The following VPS37A variants were observed in gnomAD, a reference collection of about 807,000 sequenced individuals.
The protein encoded by VPS37A is vacuolar protein sorting-associated protein 37A.
Under a neutral mutation model 49.8 loss-of-function variants are expected in VPS37A, and 30 were observed. The ratio of observed to expected loss-of-function variants is 0.60; its 90% CI spans 0.45 to 0.82. The LOEUF (loss-of-function observed/expected upper bound fraction) is 0.82, where lower values mean the gene tolerates loss of function less well. VPS37A is among the 40% of genes least tolerant of loss of function. The pLI is 0.00. For missense variants in VPS37A, 593 were observed against 464.4 expected, an observed-to-expected ratio of 1.28 and a Z score of -2.55; for synonymous variants, 195 against 160.6, an observed-to-expected ratio of 1.21 and a Z score of -1.62.
At chr8:17,268,804 T>TTA in intron 3 of VPS37A, 52 bp from the exon 4 acceptor site, 1 of 1,233,656 alleles carries the variant, frequency 8.1e-7, no homozygotes, top group Non-Finnish European at 1.2e-6. Flanking sequence ...TAATGAGACT[T>TTA]TATAATCTTT....
chr8:17,301,465 C>G (rs1045121166), downstream of VPS37A, among the ~76,000 whole-genome samples: 2 of 152,042 alleles, frequency 1.3e-5, no homozygotes, highest in African/African-American at 4.8e-5. Flanking sequence ...AAATTGTATA[C>G]AAGCAGCAAA....
chr8:17,257,853 C>T (rs773643078), intron 1 of VPS37A, among the ~76,000 whole-genome samples: 7 of 152,058 alleles, frequency 4.6e-5, no homozygotes, highest in Non-Finnish European at 8.8e-5. Context: ...TTAGATGTTT[C>T]ACTTCTTAGG....
rs1237646230 is a variant in VPS37A, at chr8:17,296,720, C to T, written c.*1734C>T. 3 of 152,154 alleles carry T rather than the reference C, an allele frequency of 2.0e-5. No individual in the cohort carries two copies. The highest frequency in any genetic ancestry group is 4.4e-5 in the Non-Finnish European group (3 of 68,010). 9.4% of individuals were successfully genotyped at this position (152,154 alleles called of 1,614,324 possible). ...CATTGTTTAGATGCTTATCTACTTTCCTTTTCACCAGAAAAACAGAAAAAA... is the reference window on the plus strand; with the variant it reads ...CATTGTTTAGATGCTTATCTACTTTTCTTTTCACCAGAAAAACAGAAAAAA... On this transcript the variant is annotated 3_prime_UTR_variant, in exon 12 of 12. Transcript: ENST00000324849.
rs756657465 is a variant in VPS37A, at chr8:17,295,470, A to G, written c.*484A>G. 1.3e-5 allele frequency: 2 copies of G among 152,606 alleles called. No individual in the cohort carries two copies. Among genetic ancestry groups the G allele is most frequent in the Non-Finnish European group, 2.9e-5 (2 of 68,002 alleles). The allele number at this position is 152,606 out of a possible 1,614,324, so 9.5% of individuals were successfully genotyped here. On this transcript the variant is annotated 3_prime_UTR_variant, in exon 12 of 12. Transcript: ENST00000324849. ...AAAACTTTCAAAAGCAATTTAAGAT[A>G]TTCATAGTGTTAGGAAACACCAAAC...
At position 17,296,317 on chromosome 8, in the gene VPS37A, T is replaced by G. The variant is rs1367241288; in HGVS notation, c.*1331T>G. ...ATACAGAAAATAACTTTCATTGTCTTCCTGACACTGTGCTAAGGACATGCT... is the reference window on the plus strand; with the variant it reads ...ATACAGAAAATAACTTTCATTGTCTGCCTGACACTGTGCTAAGGACATGCT... On this transcript the variant is annotated 3_prime_UTR_variant, in exon 12 of 12. Transcript: ENST00000324849. The G allele has an allele frequency of 6.6e-6, 1 of 152,178 alleles. No individual in the cohort carries two copies. The highest frequency in any genetic ancestry group is 1.9e-4 in the East Asian group (1 of 5,202). 9.4% of individuals were successfully genotyped at this position (152,178 alleles called of 1,614,324 possible).
intron 1 of VPS37A, among the ~76,000 whole-genome samples, chr8:17,256,290 A>ATTTTTTTTTTTTTTTTTTTTTTT (rs529736602): frequency 6.6e-5 from 4 of 60,400 alleles, no homozygotes; most frequent in African/African-American, 2.9e-4. Flanking sequence ...GGGTAAAATG[A>ATTTTTTTTTTTTTTTTTTTTTTT]TTTTTTTTTT....
At chr8:17,272,065 T>A (rs946441094) in intron 4 of VPS37A, 3 of 456,646 alleles carry the variant, frequency 6.6e-6, no homozygotes, top group Non-Finnish European at 1.3e-5. Context: ...ATTCACTAGG[T>A]ACATTTTCTG....
chr8:17,300,031 A>G, downstream of VPS37A: 2 of 1,614,184 alleles, frequency 1.2e-6, no homozygotes, highest in South Asian at 1.1e-5. Flanking sequence ...GTCTTGGGTT[A>G]GAATCAGAGC....
chr8:17,280,407 C>T lies in VPS37A; in HGVS notation c.933C>T (p.Phe311=), dbSNP rs375086724. The T allele has an allele frequency of 8.1e-6, 13 of 1,609,122 alleles. No homozygotes were observed. The highest frequency in any genetic ancestry group is 4.0e-5 in the African/African-American group (3 of 74,474). ...YELLTQMKST[F]EKKMQRQHEL... is the part of the protein sequence containing the mutation. The stretch of plus-strand genomic sequence containing the variant: ...TACTTACACAGATGAAGTCCACTTT[C>T]GAAAAGAAGATGCAAAGGCAGCATG... The change falls in exon 9 of 12, where the codon TTC becomes TTT. Residue 311 remains phenylalanine, a synonymous_variant. Coordinates refer to ENST00000324849, the MANE Select transcript of VPS37A (RefSeq NM_152415.3).
chr8:17,300,856 G>A (rs1320654764), downstream of VPS37A, among the ~76,000 whole-genome samples: 1 of 152,158 alleles, frequency 6.6e-6, no homozygotes, highest in South Asian at 2.1e-4. Flanking sequence ...TATATAAATT[G>A]AATGGAATCA....
At chr8:17,311,674 G>A in the VPS37A span, 1 of 1,613,028 alleles carries the variant, frequency 6.2e-7, no homozygotes, top group Non-Finnish European at 8.5e-7. Context: ...CACAAAGAAT[G>A]GCTGTAAAAA....
At chr8:17,282,745 G>GACAC (rs149421072) in intron 9 of VPS37A, among the ~76,000 whole-genome samples, 19 of 149,994 alleles carry the variant, frequency 1.3e-4, no homozygotes, top group Admixed American at 9.3e-4. Flanking sequence ...TTAAAAAAAA[G>GACAC]ACACACACAC....
At chr8:17,279,526 A>T (rs1814835552) in intron 6 of VPS37A, among the ~76,000 whole-genome samples, 1 of 152,130 alleles carries the variant, frequency 6.6e-6, no homozygotes, top group Admixed American at 6.5e-5. Flanking sequence ...ACATATCAGT[A>T]AGTCTGGTTC....
chr8:17,263,240 T>C (rs889201205), intron 1 of VPS37A, among the ~76,000 whole-genome samples: 1 of 152,114 alleles, frequency 6.6e-6, no homozygotes, highest in African/African-American at 2.4e-5. Context: ...TTTACAGTGG[T>C]TTTTTGGCAA....
intron 1 of VPS37A, among the ~76,000 whole-genome samples, chr8:17,258,555 A>G (rs1160110834): frequency 6.6e-6 from 1 of 152,072 alleles, no homozygotes; most frequent in Non-Finnish European, 1.5e-5. Context: ...TATTTTGTTC[A>G]GGAGTTTTGT....
At chr8:17,257,547 G>C (rs1243974326) in intron 1 of VPS37A, among the ~76,000 whole-genome samples, 1 of 152,116 alleles carries the variant, frequency 6.6e-6, no homozygotes, top group Non-Finnish European at 1.5e-5. Context: ...GTGACGGGTT[G>C]ATGGGTGCAG....
the VPS37A span, among the ~76,000 whole-genome samples, chr8:17,310,999 C>T: frequency 1.3e-5 from 2 of 152,114 alleles, no homozygotes; most frequent in African/African-American, 4.8e-5. Flanking sequence ...GTCATTTCAG[C>T]AAAGAACAAC....
chr8:17,274,796 A>G lies in VPS37A; in HGVS notation c.480A>G (p.Pro160=), dbSNP rs1371235340. Residue 160 remains proline (P), a synonymous_variant, in exon 5 of 12, where the codon CCA becomes CCG. Coordinates refer to ENST00000324849, the MANE Select transcript of VPS37A (RefSeq NM_152415.3). ...CTCAGGGTTTTCCATTTCTTCCTCCATATCCTCCACAAGAAGCAAACAGGA... is the reference window on the plus strand; with the variant it reads ...CTCAGGGTTTTCCATTTCTTCCTCCGTATCCTCCACAAGAAGCAAACAGGA... ...YASQGFPFLP[P]YPPQEANRSI... is the part of the protein sequence containing the mutation. 6 of 1,613,942 alleles carry G rather than the reference A, an allele frequency of 3.7e-6. No homozygotes were observed. The African/African-American group carries it at 4.0e-5, about 11-fold the overall frequency.
chr8:17,298,098 C>T (rs921708716), downstream of VPS37A: 1 of 151,820 alleles, frequency 6.6e-6, no homozygotes, highest in African/African-American at 2.4e-5. Flanking sequence ...AAATTAAAGC[C>T]ACATCCTCAA....
Sources: gnomAD v4.1 joint callset for allele counts (sites outside exome capture counted in the v4.1 genomes callset) on GRCh38, gnomAD v4.1.1 for gene constraint, MANE v1.5 for transcripts, NCBI Gene and HGNC (gene_info 2026-07-23, HGNC 2026-07-21) for gene names.